The following SETBP1 variants were observed in gnomAD, a reference collection of about 807,000 sequenced individuals.
SETBP1 encodes SET binding protein 1, also known as SET-binding protein.
SETBP1 carries 9 observed loss-of-function variants against 101.0 expected under a neutral mutation model. That is an observed-to-expected ratio of 0.09 (90% CI 0.05 to 0.16). The LOEUF (loss-of-function observed/expected upper bound fraction) is 0.16, where lower values mean the gene tolerates loss of function less well. Among genes scored for constraint, SETBP1 ranks in the 10% least tolerant of loss-of-function variants. The pLI, the probability that SETBP1 is intolerant of heterozygous loss-of-function variation, is 1.00. For missense variants in SETBP1, 1,858 were observed against 2,033.8 expected, an observed-to-expected ratio of 0.91 and a Z score of 1.66; for synonymous variants, 818 against 788.5, an observed-to-expected ratio of 1.04 and a Z score of -0.63.
intron 5 of SETBP1, among the ~76,000 whole-genome samples, chr18:45,062,468 G>A (rs2073905070): frequency 6.6e-6 from 1 of 152,174 alleles, no homozygotes; most frequent in African/African-American, 2.4e-5. Context: ...GAGTGCTCCA[G>A]GAAATAAGCC....
intron 1 of SETBP1, among the ~76,000 whole-genome samples, chr18:44,694,018 C>G (rs933686898): frequency 6.6e-6 from 1 of 152,164 alleles, no homozygotes; most frequent in African/African-American, 2.4e-5. Flanking sequence ...CTGAGGTGAG[C>G]ATGGAGTCTT....
intron 3 of SETBP1, among the ~76,000 whole-genome samples, chr18:44,949,110 C>A (rs1265865905): frequency 6.6e-6 from 1 of 152,198 alleles, no homozygotes; most frequent in Non-Finnish European, 1.5e-5. Flanking sequence ...ATGCTAACCC[C>A]CAAACAGAGC....
chr18:44,879,167 G>A (rs557384341), intron 3 of SETBP1, among the ~76,000 whole-genome samples: 16 of 152,168 alleles, frequency 1.1e-4, no homozygotes, highest in Non-Finnish European at 2.4e-4. Flanking sequence ...AAAAATTGAT[G>A]CTTGTTTAGC....
intron 2 of SETBP1, among the ~76,000 whole-genome samples, chr18:44,779,280 G>C (rs1488093841): frequency 6.6e-6 from 1 of 152,116 alleles, no homozygotes; most frequent in African/African-American, 2.4e-5. Flanking sequence ...TCAGAGCCTT[G>C]CACTTGGTGC....
At chr18:44,691,357 C>T (rs1410608612) in intron 1 of SETBP1, among the ~76,000 whole-genome samples, 1 of 151,558 alleles carries the variant, frequency 6.6e-6, no homozygotes, top group Non-Finnish European at 1.5e-5. Context: ...TTTAACCACC[C>T]CCCGCCCCCC....
chr18:44,699,914 C>T (rs945823146), intron 1 of SETBP1, among the ~76,000 whole-genome samples: 2 of 152,286 alleles, frequency 1.3e-5, no homozygotes, highest in Middle Eastern at 6.8e-3. Flanking sequence ...TCTTTGCAGG[C>T]ATCGTTGGGC....
chr18:44,948,789 C>G (rs1599362523), intron 3 of SETBP1, among the ~76,000 whole-genome samples: 1 of 152,304 alleles, frequency 6.6e-6, no homozygotes, highest in East Asian at 1.9e-4. Context: ...TTTAATATCT[C>G]CAAACGATGT....
At chr18:44,849,623 G>A (rs2072804453) in intron 2 of SETBP1, among the ~76,000 whole-genome samples, 1 of 152,054 alleles carries the variant, frequency 6.6e-6, no homozygotes, top group African/African-American at 2.4e-5. Flanking sequence ...GTGTGACTGA[G>A]CCACAAGTGA....
At chr18:45,042,607 A>G (rs1230654103) in intron 5 of SETBP1, among the ~76,000 whole-genome samples, 1 of 152,208 alleles carries the variant, frequency 6.6e-6, no homozygotes, top group Non-Finnish European at 1.5e-5. Context: ...AATATGGGAG[A>G]AATGAATATG....
intron 4 of SETBP1, among the ~76,000 whole-genome samples, chr18:45,010,534 T>C (rs1411950303): frequency 6.6e-6 from 1 of 152,184 alleles, no homozygotes; most frequent in Non-Finnish European, 1.5e-5. Context: ...CTTAAATAAA[T>C]AACTAAGCAC....
At position 44,952,991 on chromosome 18, in the gene SETBP1, C is replaced by A. The variant is rs755631153; in HGVS notation, c.3651C>A (p.Ala1217=). 1.2e-6 allele frequency: 2 copies of A among 1,614,124 alleles called. No individual in the cohort carries two copies. The highest frequency in any genetic ancestry group is 2.2e-5 in the East Asian group (1 of 44,872). Reference sequence around the variant, plus strand: ...AACAGAAGCACCAGCACAGCGAAGCCGGCCACAAAGCTTCTAAGAACAACT... The same window carrying A: ...AACAGAAGCACCAGCACAGCGAAGCAGGCCACAAAGCTTCTAAGAACAACT... ...KEKQKHQHSE[A]GHKASKNNFE... is the part of the protein sequence containing the mutation. Residue 1217 remains alanine, a synonymous_variant, in exon 4 of 6, where the codon GCC becomes GCA. Transcript: ENST00000649279.
chr18:44,927,533 A>G (rs2070732345), intron 3 of SETBP1, among the ~76,000 whole-genome samples: 1 of 152,236 alleles, frequency 6.6e-6, no homozygotes, highest in Non-Finnish European at 1.5e-5. Flanking sequence ...TGGATAACTG[A>G]TGAACAATCT....
chr18:44,934,331 T>C (rs1348245103), intron 3 of SETBP1, among the ~76,000 whole-genome samples: 2 of 152,158 alleles, frequency 1.3e-5, no homozygotes, highest in East Asian at 1.9e-4. Flanking sequence ...GTATTTTTAA[T>C]AGAGACGGGG....
At chr18:45,050,360 TC>T (rs1401185815) in intron 5 of SETBP1, among the ~76,000 whole-genome samples, 1 of 152,156 alleles carries the variant, frequency 6.6e-6, no homozygotes, top group East Asian at 1.9e-4. Flanking sequence ...TTGTCCTCTT[TC>T]CCCTATCCAG....
At chr18:44,926,875 G>A (rs2070718146) in intron 3 of SETBP1, among the ~76,000 whole-genome samples, 1 of 152,214 alleles carries the variant, frequency 6.6e-6, no homozygotes, top group Non-Finnish European at 1.5e-5. Flanking sequence ...GTCGGTTCAA[G>A]AATCCAGAGC....
intron 2 of SETBP1, among the ~76,000 whole-genome samples, chr18:44,803,561 CT>C (rs754656935): frequency 1.2e-3 from 180 of 152,240 alleles, no homozygotes; most frequent in Non-Finnish European, 1.9e-3. Context: ...ATTACTCTTT[CT>C]TTTCACTTTT....
intron 3 of SETBP1, among the ~76,000 whole-genome samples, chr18:44,880,712 G>A (rs1444443168): frequency 6.6e-6 from 1 of 152,102 alleles, no homozygotes; most frequent in Non-Finnish European, 1.5e-5. Flanking sequence ...AGAGCGAGTA[G>A]GGGCAGAGGT....
At chr18:44,752,531 C>T (rs1341227170) in intron 2 of SETBP1, among the ~76,000 whole-genome samples, 1 of 152,156 alleles carries the variant, frequency 6.6e-6, no homozygotes, top group East Asian at 1.9e-4. Context: ...CCAGCAGCAA[C>T]AACTGTGGAC....
At chr18:44,937,403 C>T (rs921556322) in intron 3 of SETBP1, among the ~76,000 whole-genome samples, 5 of 143,332 alleles carry the variant, frequency 3.5e-5, no homozygotes, top group African/African-American at 1.3e-4. Context: ...TGCAGTGAGC[C>T]GAGATCCCGC....
Sources: allele counts gnomAD v4.1 joint callset (sites outside exome capture counted in the v4.1 genomes callset), GRCh38; gene constraint gnomAD v4.1.1; transcripts MANE v1.5; gene names NCBI Gene and HGNC (gene_info 2026-07-23, HGNC 2026-07-21).